TYW5: variants seen among roughly 807,000 people sequenced by gnomAD.
The protein encoded by TYW5 is tRNA-yW synthesizing protein 5.
In TYW5, 36 loss-of-function variants were observed where a neutral mutation model predicts 44.4. The ratio of observed to expected loss-of-function variants is 0.81; its 90% CI spans 0.62 to 1.07. The LOEUF is 1.07. Among genes scored for constraint, TYW5 ranks in the 50% least tolerant of loss-of-function variants. The pLI is 0.00. For synonymous variants in TYW5, 121 were observed against 128.1 expected (o/e 0.94, Z 0.37); for missense variants, 354 against 365.7 (o/e 0.97, Z 0.26).
At chr2:199,950,268 T>C (rs2077534608) in intron 1 of TYW5, among the ~76,000 whole-genome samples, 1 of 152,204 alleles carries the variant, frequency 6.6e-6, no homozygotes, top group Admixed American at 6.5e-5. Flanking sequence ...AGGTTCATTA[T>C]AATCTACTGA....
rs977906142 is a variant in TYW5 at position 199,929,016 on chromosome 2, GAAA to G, written c.*4048_*4050del. 1.5e-4 allele frequency among the ~76,000 whole-genome samples: 23 copies of G among 152,166 alleles called. No individual in the cohort carries two copies. The highest frequency in any genetic ancestry group is 5.5e-4 in the African/African-American group (23 of 41,450). ...TTTATTTCACTTGAAGTTCTTAAGA[GAAA>G]AACATAAGAGGAGATATAGACAGAC... On this transcript the variant is annotated 3_prime_UTR_variant, in exon 8 of 8. Coordinates refer to ENST00000354611, the MANE Select transcript of TYW5 (RefSeq NM_001039693.3).
At chr2:199,948,571 C>T in intron 1 of TYW5, 99 bp from the exon 2 acceptor site, 1 of 1,190,292 alleles carries the variant, frequency 8.4e-7, no homozygotes, top group Non-Finnish European at 1.2e-6. Context: ...TAAGATCTGA[C>T]TCTTGCTCCC....
intron 2 of TYW5, chr2:199,944,316 C>T (rs2077488289): frequency 6.5e-6 from 1 of 153,582 alleles, no homozygotes; most frequent in Non-Finnish European, 1.4e-5. Flanking sequence ...TTTGGCATAT[C>T]ACAGAACACA....
chr2:199,935,662 A>G (rs2077412471), intron 7 of TYW5, among the ~76,000 whole-genome samples: 1 of 149,166 alleles, frequency 6.7e-6, no homozygotes, highest in Non-Finnish European at 1.5e-5. Flanking sequence ...CTGTTAACTT[A>G]TAGGCCAAAA....
intron 2 of TYW5, chr2:199,944,951 G>C (rs551906296): frequency 4.0e-4 from 61 of 152,306 alleles, no homozygotes; most frequent in Admixed American, 1.2e-3. Flanking sequence ...TGTCAGTTGT[G>C]ATATCAGGTA....
intron 7 of TYW5, among the ~76,000 whole-genome samples, chr2:199,935,403 C>T (rs909113616): frequency 6.6e-6 from 1 of 151,880 alleles, no homozygotes; most frequent in African/African-American, 2.4e-5. Context: ...GATGCCATGG[C>T]ATCAACCTCC....
chr2:199,933,467 CT>C, intron 7 of TYW5, 144 bp from the exon 8 acceptor site: 1 of 684,564 alleles, frequency 1.5e-6, no homozygotes, highest in African/African-American at 1.8e-5. Context: ...ACACTCCAGG[CT>C]TTTAACAGAA....
chr2:199,951,046 T>A (rs1244706254), intron 1 of TYW5, among the ~76,000 whole-genome samples: 1 of 152,238 alleles, frequency 6.6e-6, no homozygotes, highest in Admixed American at 6.5e-5. Context: ...TTTACTTTTA[T>A]TAATCCTTCT....
At chr2:199,934,475 G>C (rs996321406) in intron 7 of TYW5, among the ~76,000 whole-genome samples, 4 of 151,708 alleles carry the variant, frequency 2.6e-5, no homozygotes, top group Middle Eastern at 6.9e-3. Flanking sequence ...AGACTAATAC[G>C]TTCGTTGCTT....
At chr2:199,943,702 T>A (rs867516984) in intron 3 of TYW5, 63 bp downstream of exon 3, 32 of 1,341,202 alleles carry the variant, frequency 2.4e-5, no homozygotes, top group Middle Eastern at 2.2e-4. Flanking sequence ...TATTCTTTCA[T>A]AAGAAAATCC....
At position 199,936,561 on chromosome 2, in the gene TYW5, T is replaced by C. The variant is rs2077422732; in HGVS notation, c.487-69A>G. On this transcript the variant is annotated intron_variant, in intron 5 of 7. Coordinates refer to ENST00000354611, the MANE Select transcript of TYW5 (RefSeq NM_001039693.3). ...CAAATAAATAGAACCAATGGCATGC[T>C]AAACTTTAACTGCAAACCCGATCCT... The C allele has an allele frequency of 3.9e-6, 5 of 1,288,428 alleles. No individual in the cohort carries two copies. In the East Asian group the frequency reaches 1.2e-4, roughly 30 times the overall value. 79.8% of individuals were successfully genotyped at this position (1,288,428 alleles called of 1,614,324 possible). A position where few individuals can be genotyped will look rare whatever the true frequency, so the allele number is the denominator to read the frequency against.
chr2:199,931,923 T>G lies in TYW5; in HGVS notation c.*1144A>C, dbSNP rs759535252. 1 of 152,194 alleles carries G rather than the reference T, an allele frequency of 6.6e-6. No individual in the cohort carries two copies. The highest frequency in any genetic ancestry group is 1.5e-5 in the Non-Finnish European group (1 of 68,016). The allele number at this position is 152,194 out of a possible 1,614,324, so 9.4% of individuals were successfully genotyped here. ...CTTCGATGACAACACTTTTAGGATC[T>G]CATTTATTCATTCTTTAAGTAATTT... On this transcript the variant is annotated 3_prime_UTR_variant, in exon 8 of 8. Coordinates refer to ENST00000354611, the MANE Select transcript of TYW5 (RefSeq NM_001039693.3).
At chr2:199,948,591 G>A in intron 1 of TYW5, 119 bp from the exon 2 acceptor site, 1 of 946,538 alleles carries the variant, frequency 1.1e-6, no homozygotes, top group Non-Finnish European at 1.6e-6. Context: ...CAAGATGCTT[G>A]AACTCAAAGC....
chr2:199,941,184 G>A (rs531721052), intron 3 of TYW5, among the ~76,000 whole-genome samples: 3 of 152,092 alleles, frequency 2.0e-5, no homozygotes, highest in East Asian at 1.9e-4. Context: ...TCAGCCTCCC[G>A]AGTAGCTGGG....
intron 1 of TYW5, among the ~76,000 whole-genome samples, chr2:199,954,925 T>A (rs542815723): frequency 6.6e-6 from 1 of 152,272 alleles, no homozygotes; most frequent in Non-Finnish European, 1.5e-5. Context: ...TCTCTATGAG[T>A]TTTCTTTTAA....
rs193118625 is a variant in TYW5 at position 199,933,037 on chromosome 2, T to C, written c.*30A>G. 3 of 1,605,636 alleles carry C rather than the reference T, an allele frequency of 1.9e-6. No individual in the cohort carries two copies. The African/African-American group carries it at 4.0e-5, about 22-fold the overall frequency. On this transcript the variant is annotated 3_prime_UTR_variant, in exon 8 of 8. Coordinates refer to ENST00000354611, the MANE Select transcript of TYW5 (RefSeq NM_001039693.3). Reference sequence around the variant, plus strand: ...TTTATATCGTTATACCTTACTAAAGTGTTAATGTGCATTGCATTCACTTCA... The same window carrying C: ...TTTATATCGTTATACCTTACTAAAGCGTTAATGTGCATTGCATTCACTTCA...
chr2:199,936,491 AC>A lies in TYW5; in HGVS notation c.487del (p.Val163Ter). On this transcript the variant is annotated frameshift_variant and splice_region_variant, in exon 6 of 8. Coordinates refer to ENST00000354611, the MANE Select transcript of TYW5 (RefSeq NM_001039693.3). LOFTEE classifies it high-confidence loss of function. ...PGLQLWTHYD[V>X]MDNLLIQVTG... ...CACTTGTATTAACAAATTATCCATT[AC>A]CTGAAGACCAATAAAAGCTTATGGG... 6.2e-7 allele frequency: 1 copy of A among 1,611,880 alleles called. No homozygotes were observed. The highest frequency in any genetic ancestry group is 8.5e-7 in the Non-Finnish European group (1 of 1,178,788).
chr2:199,954,779 T>C (rs953518312), intron 1 of TYW5, among the ~76,000 whole-genome samples: 7 of 152,090 alleles, frequency 4.6e-5, no homozygotes, highest in Non-Finnish European at 1.0e-4. Context: ...GGTAAGAAAA[T>C]TGCTGGGTAT....
rs896691020 is a variant in TYW5, at chr2:199,932,423, T to G, written c.*644A>C. The G allele has an allele frequency of 1.3e-5, 2 of 152,270 alleles. No homozygotes were observed. The highest frequency in any genetic ancestry group is 4.8e-5 in the African/African-American group (2 of 41,456). 9.4% of individuals were successfully genotyped at this position (152,270 alleles called of 1,614,324 possible). A position where few individuals can be genotyped will look rare whatever the true frequency, so the allele number is the denominator to read the frequency against. The stretch of plus-strand genomic sequence containing the variant: ...CCTCATGTGGCCTCCACTTCTACTC[T>G]CAGCTCCAGTGGACCTGACTGCCCT... On this transcript the variant is annotated 3_prime_UTR_variant, in exon 8 of 8. Transcript: ENST00000354611.
Sources: allele counts gnomAD v4.1 joint callset (sites outside exome capture counted in the v4.1 genomes callset), GRCh38; gene constraint gnomAD v4.1.1; transcripts MANE v1.5; gene names NCBI Gene and HGNC (gene_info 2026-07-23, HGNC 2026-07-21).